The following TYW1B variants were observed in gnomAD, a reference collection of about 807,000 sequenced individuals.
TYW1B encodes the protein tRNA-yW synthesizing protein 1 homolog B.
A neutral mutation model predicts 86.9 loss-of-function variants in TYW1B; 73 were observed. The ratio of observed to expected loss-of-function variants is 0.84; its 90% confidence interval spans 0.70 to 1.02. The LOEUF is 1.02. Among genes scored for constraint, TYW1B ranks in the 50% least tolerant of loss-of-function variants. TYW1B has a pLI of 0.00. For missense variants in TYW1B, 637 were observed against 827.4 expected (o/e 0.77, Z 2.82); for synonymous variants, 248 against 292.8 (o/e 0.85, Z 1.56).
intron 12 of TYW1B, among the ~76,000 whole-genome samples, chr7:72,622,569 G>T (rs562695390): frequency 3.3e-5 from 5 of 152,204 alleles, no homozygotes; most frequent in East Asian, 1.9e-4. Context: ...TGAGACTCTA[G>T]TAAGTGCAGA....
rs148314536 is a variant in TYW1B, at chr7:72,808,216, A to C, written c.433-860T>G. 2.4e-3 allele frequency among the ~76,000 whole-genome samples: 370 copies of C among 152,192 alleles called. 2 individuals are homozygous for C. Among genetic ancestry groups the C allele is most frequent in the African/African-American group, 7.9e-3 (329 of 41,516 alleles). On this transcript the variant is annotated intron_variant, in intron 4 of 13. Transcript: ENST00000620995. ...GCCTATAATTCCAGCACCTTGGGAG[A>C]CCGGAGTGAGAAGAATGCTCAAGCC...
chr7:72,585,610 G>A (rs1554430359), intron 13 of TYW1B, among the ~76,000 whole-genome samples: 2 of 152,086 alleles, frequency 1.3e-5, no homozygotes, highest in African/African-American at 4.8e-5. Flanking sequence ...ATGGAGGAGG[G>A]CCTTTCCTGT....
At chr7:72,626,038 T>C (rs1474929107) in intron 12 of TYW1B, among the ~76,000 whole-genome samples, 2 of 151,990 alleles carry the variant, frequency 1.3e-5, no homozygotes, top group Non-Finnish European at 2.9e-5. Flanking sequence ...CACTAATCTC[T>C]GATGTTGGCA....
chr7:72,767,230 C>T (rs1324580868), intron 7 of TYW1B, among the ~76,000 whole-genome samples: 21 of 152,112 alleles, frequency 1.4e-4, no homozygotes, highest in African/African-American at 3.9e-4. Context: ...CTCGGACTGC[C>T]GTCACCCCTG....
At chr7:72,781,419 T>C (rs1788047194) in intron 6 of TYW1B, among the ~76,000 whole-genome samples, 1 of 152,070 alleles carries the variant, frequency 6.6e-6, no homozygotes, top group Non-Finnish European at 1.5e-5. Flanking sequence ...CTTCACTAAT[T>C]ATATTGCCTC....
chr7:72,700,326 C>G (rs1554452284), intron 10 of TYW1B, among the ~76,000 whole-genome samples: 1 of 151,884 alleles, frequency 6.6e-6, no homozygotes. Context: ...AGGCACCCAC[C>G]ACCACGCCCA....
chr7:72,777,297 C>G, intron 7 of TYW1B, 119 bp downstream of exon 7: 1 of 1,190,674 alleles, frequency 8.4e-7, no homozygotes, highest in Non-Finnish European at 1.2e-6. Context: ...AATCTTTAGA[C>G]TGTTATATCT....
At chr7:72,613,131 A>G (rs1811976261) in intron 13 of TYW1B, among the ~76,000 whole-genome samples, 1 of 152,148 alleles carries the variant, frequency 6.6e-6, no homozygotes, top group Non-Finnish European at 1.5e-5. Context: ...ACAAAGGAAG[A>G]CTGTGGAAAT....
At chr7:72,598,639 T>C (rs530268417) in intron 13 of TYW1B, among the ~76,000 whole-genome samples, 1 of 152,142 alleles carries the variant, frequency 6.6e-6, no homozygotes, top group Non-Finnish European at 1.5e-5. Flanking sequence ...TTTAGTAAGT[T>C]TAATAGCCTG....
At chr7:72,598,211 C>T (rs1490586771) in intron 13 of TYW1B, among the ~76,000 whole-genome samples, 5 of 152,126 alleles carry the variant, frequency 3.3e-5, no homozygotes, top group South Asian at 2.1e-4. Flanking sequence ...AAAGGTGAGA[C>T]GGGCCTAGCC....
chr7:72,603,166 A>C (rs549197936), intron 13 of TYW1B, among the ~76,000 whole-genome samples: 25 of 144,052 alleles, frequency 1.7e-4, no homozygotes, highest in African/African-American at 6.2e-4. Context: ...AGATGATAGA[A>C]GATGGATGGA....
intron 13 of TYW1B, among the ~76,000 whole-genome samples, chr7:72,580,549 T>C (rs1811129268): frequency 6.6e-6 from 1 of 152,186 alleles, no homozygotes; most frequent in Non-Finnish European, 1.5e-5. Flanking sequence ...GCTAAGGGTC[T>C]GTGGCCTTGC....
chr7:72,618,227 A>ATTTTTTT lies in TYW1B; in HGVS notation c.1618-1395_1618-1389dup, dbSNP rs869158136. Among the ~76,000 whole-genome samples the ATTTTTTT allele has an allele frequency of 1.2e-3, 129 of 103,938 alleles. 12 individuals carry two copies. Among genetic ancestry groups the ATTTTTTT allele is most frequent in the South Asian group, 9.9e-3 (29 of 2,932 alleles). 68.2% of individuals were successfully genotyped at this position (103,938 alleles called of 152,430 possible). On this transcript the variant is annotated intron_variant, in intron 12 of 13. Transcript: ENST00000620995. ...ATTGGAGAATGCAGAATGACACTGA[A>ATTTTTTT]TTTTTTTTTTTTTTTTTTTTTTTTT...
intron 2 of TYW1B, among the ~76,000 whole-genome samples, chr7:72,816,586 C>T (rs78245205): frequency 0.012 from 1,883 of 152,190 alleles, 41 homozygotes; most frequent in African/African-American, 0.043. Flanking sequence ...TGGGGTGAGG[C>T]CTCAGGTAGC....
chr7:72,611,989 TTTTCCTTCCTTC>T (rs1811943823), intron 13 of TYW1B, among the ~76,000 whole-genome samples: 1 of 152,044 alleles, frequency 6.6e-6, no homozygotes, highest in Non-Finnish European at 1.5e-5. Flanking sequence ...TCTTTCTTCT[TTTTCCTTCCTTC>T]TTTCCTTCCA....
chr7:72,807,468 T>A, intron 4 of TYW1B, 112 bp from the exon 5 acceptor site: 2 of 1,388,914 alleles, frequency 1.4e-6, no homozygotes, highest in Non-Finnish European at 1.9e-6. Flanking sequence ...GGGCTACCAC[T>A]AAGAAAGAGG....
intron 13 of TYW1B, among the ~76,000 whole-genome samples, chr7:72,592,286 T>C (rs35580742): frequency 2.0e-5 from 3 of 151,618 alleles, no homozygotes. Flanking sequence ...TGTAAAGGAA[T>C]ATAGTTTTGT....
In TYW1B at chr7:72,694,821, T is replaced by C. The variant is rs782611861; in HGVS notation, c.1372A>G (p.Asn458Asp). 1 of 1,580,834 alleles carries C rather than the reference T, an allele frequency of 6.3e-7. No homozygotes were observed. The highest frequency in any genetic ancestry group is 8.5e-7 in the Non-Finnish European group (1 of 1,171,592). The change falls in exon 11 of 14, where the codon AAC becomes GAC. Residue 458 changes from asparagine to aspartate, a missense_variant and splice_region_variant. Physicochemically the swap from Asn to Asp is conservative, Grantham distance 23 (BLOSUM62 1). Transcript: ENST00000620995. ...TNAQFPAEIR[N>D]LEPVTQLYVS... ...TACAGCTGAGTAACTGGCTCGAGGTTCCTTAGTAATTTTTTTTTTTAAAGG... is the reference window on the plus strand; with the variant it reads ...TACAGCTGAGTAACTGGCTCGAGGTCCCTTAGTAATTTTTTTTTTTAAAGG...
At chr7:72,592,483 T>A (rs1200226223) in intron 13 of TYW1B, among the ~76,000 whole-genome samples, 2 of 151,964 alleles carry the variant, frequency 1.3e-5, no homozygotes, top group Admixed American at 1.3e-4. Flanking sequence ...ATTCAGAAAA[T>A]GAGACAAAAA....
Sources: allele counts gnomAD v4.1 joint callset (sites outside exome capture counted in the v4.1 genomes callset), GRCh38; gene constraint gnomAD v4.1.1; transcripts MANE v1.5; gene names NCBI Gene and HGNC (gene_info 2026-07-23, HGNC 2026-07-21).